MDGA2: variants seen among roughly 807,000 people sequenced by gnomAD.
MDGA2 encodes MAM domain-containing glycosylphosphatidylinositol anchor protein 2.
MDGA2 carries 40 observed loss-of-function variants against 117.8 expected under a neutral mutation model. That is an observed-to-expected ratio of 0.34 (90% confidence interval 0.26 to 0.44). The LOEUF (loss-of-function observed/expected upper bound fraction) is 0.44. MDGA2 is among the 20% of genes least tolerant of loss of function. MDGA2 has a pLI of 1.00. For missense variants in MDGA2, 1,123 were observed against 1,250.6 expected, an observed-to-expected ratio of 0.90 and a Z score of 1.54; for synonymous variants, 452 against 439.0, an observed-to-expected ratio of 1.03 and a Z score of -0.37.
chr14:47,661,782 G>A (rs961571694), intron 1 of MDGA2, among the ~76,000 whole-genome samples: 8 of 106,976 alleles, frequency 7.5e-5, no homozygotes, highest in East Asian at 3.4e-4. Flanking sequence ...ACAGAGTTTC[G>A]CTCTTGTTGC....
At chr14:47,028,706 C>G (rs1368216856) in intron 8 of MDGA2, among the ~76,000 whole-genome samples, 1 of 151,976 alleles carries the variant, frequency 6.6e-6, no homozygotes, top group Admixed American at 6.6e-5. Flanking sequence ...AGCATAAAAG[C>G]CTAGCCAGAG....
intron 1 of MDGA2, among the ~76,000 whole-genome samples, chr14:47,379,330 T>C (rs1343164858): frequency 1.3e-5 from 2 of 152,076 alleles, no homozygotes; most frequent in Admixed American, 1.3e-4. Context: ...AAACAACCAG[T>C]TAACGTCATA....
chr14:47,084,617 C>A (rs1382049733), intron 6 of MDGA2, among the ~76,000 whole-genome samples: 2 of 152,108 alleles, frequency 1.3e-5, no homozygotes, highest in Non-Finnish European at 2.9e-5. Context: ...TACTTACCCA[C>A]CCTAACCCAT....
chr14:47,203,866 A>C, intron 3 of MDGA2, among the ~76,000 whole-genome samples: 1 of 152,128 alleles, frequency 6.6e-6, no homozygotes, highest in East Asian at 1.9e-4. Flanking sequence ...TGAGAAGGAA[A>C]CTTATCTAAA....
chr14:46,980,245 T>A (rs557485182), intron 8 of MDGA2, among the ~76,000 whole-genome samples: 1 of 152,302 alleles, frequency 6.6e-6, no homozygotes, highest in Non-Finnish European at 1.5e-5. Context: ...TTAGAGAGGA[T>A]CAAGACTTCA....
intron 2 of MDGA2, among the ~76,000 whole-genome samples, chr14:47,254,298 A>C (rs1303270714): frequency 6.6e-6 from 1 of 152,056 alleles, no homozygotes; most frequent in Non-Finnish European, 1.5e-5. Flanking sequence ...TCAGGGTGCA[A>C]ATTTTCCAAA....
intron 1 of MDGA2, among the ~76,000 whole-genome samples, chr14:47,564,176 T>A (rs1260833496): frequency 6.6e-6 from 1 of 152,134 alleles, no homozygotes; most frequent in East Asian, 1.9e-4. Flanking sequence ...TCTCTAGCTG[T>A]CTTTAACATT....
At chr14:47,456,294 C>CTTTTTT (rs56176876) in intron 1 of MDGA2, among the ~76,000 whole-genome samples, 1 of 140,648 alleles carries the variant, frequency 7.1e-6, no homozygotes. Context: ...AATTGTTTAC[C>CTTTTTT]TTTTTTTTTT....
intron 8 of MDGA2, among the ~76,000 whole-genome samples, chr14:47,020,704 T>A (rs1888256670): frequency 6.6e-6 from 1 of 152,208 alleles, no homozygotes; most frequent in African/African-American, 2.4e-5. Flanking sequence ...CACTGTCACG[T>A]GACTTATTAA....
At chr14:47,019,815 G>A (rs899404048) in intron 8 of MDGA2, among the ~76,000 whole-genome samples, 2 of 150,608 alleles carry the variant, frequency 1.3e-5, no homozygotes, top group South Asian at 4.2e-4. Context: ...CTCCAGCCGG[G>A]GCGACAGAGC....
chr14:47,082,908 T>A (rs976859923), intron 6 of MDGA2, among the ~76,000 whole-genome samples: 1 of 151,468 alleles, frequency 6.6e-6, no homozygotes, highest in Non-Finnish European at 1.5e-5. Context: ...AAGTTTACAA[T>A]GAAAAAAAAT....
At chr14:47,435,711 C>A (rs1892883051) in intron 1 of MDGA2, among the ~76,000 whole-genome samples, 1 of 152,070 alleles carries the variant, frequency 6.6e-6, no homozygotes, top group Non-Finnish European at 1.5e-5. Flanking sequence ...GCTAGTCCTG[C>A]CAAACCTCTC....
At chr14:47,433,901 C>T (rs1892847398) in intron 1 of MDGA2, among the ~76,000 whole-genome samples, 1 of 152,156 alleles carries the variant, frequency 6.6e-6, no homozygotes, top group African/African-American at 2.4e-5. Flanking sequence ...AATTATCAGT[C>T]ATTGTAAAGT....
chr14:46,886,240 T>C (rs976467503), intron 10 of MDGA2, among the ~76,000 whole-genome samples: 8 of 151,858 alleles, frequency 5.3e-5, no homozygotes, highest in African/African-American at 1.9e-4. Flanking sequence ...GCATAGAAAA[T>C]GGAAAATGAT....
Position 46,964,049 on chromosome 14 carries a change from G to A in MDGA2, c.1820-6406C>T, listed in dbSNP as rs80016798. ...ATGCTGTGCCAATTTCTGGGACCAG[G>A]ACACAAGTGTCTGGCAGTTCCACTT... On this transcript the variant is annotated intron_variant, in intron 8 of 16. Transcript: ENST00000399232. Among the ~76,000 whole-genome samples, 25 of 152,252 alleles carry A rather than the reference G, an allele frequency of 1.6e-4. No homozygotes were observed. The East Asian group carries it at 4.6e-3, about 28-fold the overall frequency.
chr14:46,916,420 A>T (rs1273421819), intron 10 of MDGA2, among the ~76,000 whole-genome samples: 1 of 151,722 alleles, frequency 6.6e-6, no homozygotes, highest in East Asian at 1.9e-4. Context: ...TTCCTTTAGA[A>T]TGTAAAAAAA....
intron 7 of MDGA2, among the ~76,000 whole-genome samples, chr14:47,050,704 TAGG>T (rs1395217171): frequency 1.3e-5 from 2 of 151,964 alleles, no homozygotes; most frequent in African/African-American, 4.8e-5. Context: ...TTCAGGCAGC[TAGG>T]AGAAGGCAAG....
intron 6 of MDGA2, among the ~76,000 whole-genome samples, chr14:47,062,718 G>T (rs941034196): frequency 3.3e-5 from 5 of 151,938 alleles, no homozygotes; most frequent in African/African-American, 1.2e-4. Flanking sequence ...ATTCTGGATA[G>T]CCCCTCCTTA....
intron 8 of MDGA2, among the ~76,000 whole-genome samples, chr14:46,977,155 T>C (rs1204043540): frequency 2.0e-5 from 3 of 151,804 alleles, no homozygotes; most frequent in Non-Finnish European, 4.4e-5. Context: ...ATATGACATA[T>C]GTATCATCAA....
Sources: allele counts gnomAD v4.1 joint callset (sites outside exome capture counted in the v4.1 genomes callset), GRCh38; gene constraint gnomAD v4.1.1; transcripts MANE v1.5; gene names NCBI Gene and HGNC (gene_info 2026-07-23, HGNC 2026-07-21).